WDR76: variants seen among roughly 807,000 people sequenced by gnomAD.
WDR76 encodes the protein WD repeat domain 76.
WDR76 carries 52 observed loss-of-function variants against 70.2 expected under a neutral mutation model. The observed-to-expected ratio is 0.74, with a 90% CI of 0.59 to 0.93. The LOEUF (loss-of-function observed/expected upper bound fraction) is 0.93. WDR76 is among the 40% of genes least tolerant of loss of function. WDR76 has a pLI of 0.00. For synonymous variants in WDR76, 292 were observed against 271.1 expected (o/e 1.08, Z -0.76); for missense variants, 756 against 760.2 (o/e 0.99, Z 0.07).
rs778691011 is a variant in WDR76, at chr15:43,856,948, G to T, written c.1194G>T (p.Val398=). ...CTGATTGTTACTTATATTCTTAGGT[G>T]TATAGAAATGAAAGAAGTAGCTTTT... ...GDFSRAIFEE[V]YRNERSSFSS... is the part of the protein sequence containing the mutation. Residue 398 remains valine, a splice_region_variant and synonymous_variant, in exon 10 of 13, where the codon GTG becomes GTT. Transcript: ENST00000263795. The T allele has an allele frequency of 1.9e-6, 3 of 1,613,262 alleles. No individual in the cohort carries two copies. The highest frequency in any genetic ancestry group is 2.5e-6 in the Non-Finnish European group (3 of 1,179,410).
intron 5 of WDR76, 88 bp from the exon 6 acceptor site, chr15:43,842,327 G>A (rs948754791): frequency 1.7e-5 from 19 of 1,145,660 alleles, no homozygotes; most frequent in Non-Finnish European, 2.4e-5. Flanking sequence ...GTGAAGTTGT[G>A]GGGAAAACAG....
intron 9 of WDR76, among the ~76,000 whole-genome samples, chr15:43,853,187 CCTTA>C (rs1162643743): frequency 1.3e-5 from 2 of 151,618 alleles, no homozygotes; most frequent in African/African-American, 4.8e-5. Context: ...CCACGCCTGG[CCTTA>C]CTTATTTTTA....
intron 2 of WDR76, among the ~76,000 whole-genome samples, chr15:43,832,036 T>C (rs934188595): frequency 1.3e-5 from 2 of 152,178 alleles, no homozygotes; most frequent in Admixed American, 1.3e-4. Flanking sequence ...CGTGAGCCAC[T>C]GCACCTGGCC....
In WDR76 at chr15:43,839,607, A is replaced by G; in HGVS notation, c.611A>G (p.Lys204Arg). The G allele has an allele frequency of 6.2e-7, 1 of 1,607,194 alleles. No homozygotes were observed. The highest frequency in any genetic ancestry group is 1.1e-5 in the South Asian group (1 of 89,280). Residue 204 changes from lysine to arginine, a missense_variant and splice_region_variant, in exon 5 of 13, where the codon AAG (lysine) becomes AGG (arginine). Coordinates refer to ENST00000263795, the MANE Select transcript of WDR76 (RefSeq NM_024908.4). ...TGAGTTTTTCCCCACTCCTTTAGAA[A>G]GAAGCCTAAGAGAGAAAATGGGATT... ...EKRQPPKSKR[K>R]KPKRENGIGC...
intron 4 of WDR76, among the ~76,000 whole-genome samples, chr15:43,839,047 T>A (rs2087690767): frequency 6.6e-6 from 1 of 152,186 alleles, no homozygotes; most frequent in African/African-American, 2.4e-5. Context: ...CATTTTAAAA[T>A]GAATTACTTT....
chr15:43,831,996 T>C (rs964699112), intron 2 of WDR76, among the ~76,000 whole-genome samples: 3 of 151,826 alleles, frequency 2.0e-5, no homozygotes, highest in Admixed American at 2.0e-4. Context: ...ATCTGCCGGC[T>C]TCAGTCTCCC....
In WDR76 at chr15:43,842,821, A is replaced by G. The variant is rs138335600; in HGVS notation, c.878+150A>G. ...TGTGTATTTCCTCACAAGTGTTGCC[A>G]TATACAATACCACTAGGATATAAGC... On this transcript the variant is annotated intron_variant, in intron 7 of 12. Coordinates refer to ENST00000263795, the MANE Select transcript of WDR76 (RefSeq NM_024908.4). 5.5e-3 allele frequency: 3,799 copies of G among 689,668 alleles called. 24 individuals are homozygous for G. The highest frequency in any genetic ancestry group is 6.7e-3 in the Non-Finnish European group (2,804 of 416,308). 42.7% of individuals were successfully genotyped at this position (689,668 alleles called of 1,614,324 possible).
rs1053485654 is a variant in WDR76 at position 43,868,284 on chromosome 15, C to A, written c.*1892C>A. ...ATGGGTTCTAGAGTGGTTAGTTCTACGGGAATTGTTTTTGTTTTTGTTTTT... is the reference window on the plus strand; with the variant it reads ...ATGGGTTCTAGAGTGGTTAGTTCTAAGGGAATTGTTTTTGTTTTTGTTTTT... On this transcript the variant is annotated 3_prime_UTR_variant, in exon 13 of 13. Coordinates refer to ENST00000263795, the MANE Select transcript of WDR76 (RefSeq NM_024908.4). The A allele has an allele frequency of 6.6e-6, 1 of 152,100 alleles. No individual in the cohort carries two copies. The highest frequency in any genetic ancestry group is 2.4e-5 in the African/African-American group (1 of 41,436). 9.4% of individuals were successfully genotyped at this position (152,100 alleles called of 1,614,324 possible).
chr15:43,850,619 A>T (rs2087846085), intron 8 of WDR76, among the ~76,000 whole-genome samples: 1 of 152,172 alleles, frequency 6.6e-6, no homozygotes, highest in African/African-American at 2.4e-5. Context: ...TTTAGAGGAC[A>T]AAGTATGTTT....
At chr15:43,828,668 T>C (rs1452134991) in intron 2 of WDR76, among the ~76,000 whole-genome samples, 1 of 152,210 alleles carries the variant, frequency 6.6e-6, no homozygotes. Flanking sequence ...TTATGGTGCC[T>C]TTCTCACCTT....
At chr15:43,849,540 G>A (rs1039651981) in intron 8 of WDR76, among the ~76,000 whole-genome samples, 1 of 151,908 alleles carries the variant, frequency 6.6e-6, no homozygotes, top group African/African-American at 2.4e-5. Flanking sequence ...TTTAGATTTG[G>A]AATGATTTTT....
intron 11 of WDR76, among the ~76,000 whole-genome samples, chr15:43,861,047 A>C (rs559606992): frequency 6.7e-6 from 1 of 148,482 alleles, no homozygotes; most frequent in Non-Finnish European, 1.5e-5. Context: ...CAGCCTCCTG[A>C]GTAGCTCGGA....
chr15:43,827,038 C>G lies in WDR76; in HGVS notation c.6C>G (p.Ser2=), dbSNP rs141258634. 771 of 1,614,086 alleles carry G rather than the reference C, an allele frequency of 4.8e-4. No homozygotes were observed. The highest frequency in any genetic ancestry group is 6.0e-4 in the Non-Finnish European group (709 of 1,180,010). ...GGCCGCTAAGAAGCCGAAAGATGTC[C>G]AGGTCGGGCGCGGCGGCTGAGAAGG... M[S]RSGAAAEKAD... Residue 2 remains serine, a synonymous_variant, in exon 1 of 13, where the codon TCC becomes TCG. Coordinates refer to ENST00000263795, the MANE Select transcript of WDR76 (RefSeq NM_024908.4).
chr15:43,840,674 C>T lies in WDR76; in HGVS notation c.732+946C>T, dbSNP rs575138667. On this transcript the variant is annotated intron_variant, in intron 5 of 12. Coordinates refer to ENST00000263795, the MANE Select transcript of WDR76 (RefSeq NM_024908.4). Reference sequence around the variant, plus strand: ...GTAGCTTCAAATTTTTTTGAAGCCTCAGCCCACAAGAAATATATTTGTGGC... The same window carrying T: ...GTAGCTTCAAATTTTTTTGAAGCCTTAGCCCACAAGAAATATATTTGTGGC... Among the ~76,000 whole-genome samples the T allele has an allele frequency of 1.0e-3, 153 of 152,164 alleles. 1 individual carries two copies. Among genetic ancestry groups the T allele is most frequent in the Non-Finnish European group, 9.7e-4 (66 of 68,024 alleles).
At chr15:43,844,745 T>TA (rs1236339787) in intron 8 of WDR76, among the ~76,000 whole-genome samples, 10 of 146,134 alleles carry the variant, frequency 6.8e-5, no homozygotes, top group Non-Finnish European at 1.3e-4. Context: ...GCGTCTCTAC[T>TA]AAAAAACCCC....
At chr15:43,857,343 G>GAA (rs763004064) in intron 10 of WDR76, among the ~76,000 whole-genome samples, 180 bp downstream of exon 10, 1 of 151,936 alleles carries the variant, frequency 6.6e-6, no homozygotes, top group African/African-American at 2.4e-5. Flanking sequence ...TTTTGAAAAT[G>GAA]AAAAATTCTT....
At position 43,851,047 on chromosome 15, in the gene WDR76, A is replaced by G. The variant is rs1286314595; in HGVS notation, c.1033-40A>G. 3.7e-6 allele frequency: 6 copies of G among 1,604,590 alleles called. No homozygotes were observed. The East Asian group carries it at 8.9e-5, about 24-fold the overall frequency. ...ATAGCAAAAATCACTATTTTTCACTAGTTTTTTTCTCTCTCCCCTTTCCCG... is the reference window on the plus strand; with the variant it reads ...ATAGCAAAAATCACTATTTTTCACTGGTTTTTTTCTCTCTCCCCTTTCCCG... On this transcript the variant is annotated intron_variant, in intron 8 of 12. Coordinates refer to ENST00000263795, the MANE Select transcript of WDR76 (RefSeq NM_024908.4).
At position 43,866,605 on chromosome 15, in the gene WDR76, C is replaced by T; in HGVS notation, c.*213C>T. 4.7e-6 allele frequency: 2 copies of T among 428,964 alleles called. No homozygotes were observed. The highest frequency in any genetic ancestry group is 8.0e-6 in the Non-Finnish European group (2 of 249,220). The allele number at this position is 428,964 out of a possible 1,614,324, so 26.6% of individuals were successfully genotyped here. ...GACGGGGAGGGAATTTGAGGGGAGG[C>T]TGAGGTGCCGTCAGGACTTTTTTTT... On this transcript the variant is annotated 3_prime_UTR_variant, in exon 13 of 13. Transcript: ENST00000263795.
At chr15:43,837,170 T>A (rs1289391613) in intron 4 of WDR76, among the ~76,000 whole-genome samples, 3 of 149,816 alleles carry the variant, frequency 2.0e-5, no homozygotes, top group African/African-American at 7.7e-5. Context: ...TTAGCAGTGC[T>A]TACATATAAA....
Sources: gnomAD v4.1 joint callset for allele counts (sites outside exome capture counted in the v4.1 genomes callset) on GRCh38, gnomAD v4.1.1 for gene constraint, MANE v1.5 for transcripts, NCBI Gene and HGNC (gene_info 2026-07-23, HGNC 2026-07-21) for gene names.